Variants in CDK14 observed in about 807,000 individuals in gnomAD.
The protein encoded by CDK14 is cyclin-dependent kinase 14.
CDK14 carries 34 observed loss-of-function variants against 60.7 expected under a neutral mutation model. The ratio of observed to expected loss-of-function variants is 0.56; its 90% CI spans 0.43 to 0.75. The LOEUF (loss-of-function observed/expected upper bound fraction) is 0.75, where lower values mean the gene tolerates loss of function less well. Among genes scored for constraint, CDK14 ranks in the 30% least tolerant of loss-of-function variants. CDK14 has a pLI of 0.00. For missense variants in CDK14, 482 were observed against 564.1 expected (o/e 0.85, Z 1.47); for synonymous variants, 197 against 203.7 (o/e 0.97, Z 0.28).
chr7:90,900,989 A>G (rs547753509), intron 7 of CDK14, among the ~76,000 whole-genome samples: 34 of 152,220 alleles, frequency 2.2e-4, no homozygotes, highest in African/African-American at 7.5e-4. Context: ...CATTTTTACT[A>G]TACGTTCTGC....
At chr7:90,747,975 C>G (rs1449279095) in intron 4 of CDK14, among the ~76,000 whole-genome samples, 200 bp downstream of exon 4, 1 of 135,922 alleles carries the variant, frequency 7.4e-6, no homozygotes, top group East Asian at 2.2e-4. Context: ...GTTTTTCAGA[C>G]TGTTCAATTT....
At chr7:91,046,058 C>A in intron 11 of CDK14, 98 bp downstream of exon 11, 1 of 788,564 alleles carries the variant, frequency 1.3e-6, no homozygotes. Context: ...TTGAAAAATT[C>A]TGGTTACTTT....
intron 10 of CDK14, among the ~76,000 whole-genome samples, chr7:91,021,438 A>G (rs1160783507): frequency 3.3e-5 from 5 of 152,176 alleles, no homozygotes; most frequent in African/African-American, 1.2e-4. Flanking sequence ...TCTATATATG[A>G]TAGCTGTTTT....
At chr7:90,767,009 T>A (rs958831779) in intron 4 of CDK14, among the ~76,000 whole-genome samples, 5 of 151,940 alleles carry the variant, frequency 3.3e-5, no homozygotes, top group Non-Finnish European at 7.4e-5. Context: ...GTACCCTGGC[T>A]CCCCTCTGTC....
intron 2 of CDK14, among the ~76,000 whole-genome samples, chr7:90,616,898 A>G (rs73223205): frequency 6.6e-6 from 1 of 151,840 alleles, no homozygotes; most frequent in Non-Finnish European, 1.5e-5. Flanking sequence ...GTGCCTGTGT[A>G]TATATACACA....
At chr7:90,919,868 A>G (rs1299052285) in intron 8 of CDK14, among the ~76,000 whole-genome samples, 1 of 152,192 alleles carries the variant, frequency 6.6e-6, no homozygotes, top group East Asian at 1.9e-4. Flanking sequence ...TGATACAGCA[A>G]TTGCAATGTT....
At chr7:90,780,484 T>A (rs36079949) in intron 4 of CDK14, among the ~76,000 whole-genome samples, 27,385 of 150,668 alleles carry the variant, frequency 0.18, 2,628 homozygotes, top group South Asian at 0.23. Context: ...TGCAGGTTAG[T>A]TACATATGTA....
chr7:90,823,881 A>T (rs1272423625), intron 5 of CDK14, among the ~76,000 whole-genome samples: 1 of 152,188 alleles, frequency 6.6e-6, no homozygotes, highest in Non-Finnish European at 1.5e-5. Context: ...GTATTTCTAT[A>T]TTCTATAAAG....
At chr7:90,791,551 C>T (rs777428811) in intron 5 of CDK14, among the ~76,000 whole-genome samples, 7 of 152,148 alleles carry the variant, frequency 4.6e-5, no homozygotes, top group Non-Finnish European at 8.8e-5. Context: ...GTTTGTTTCC[C>T]ACAACTGTTG....
chr7:91,189,321 ATTTAG>A (rs1409970654), intron 14 of CDK14, among the ~76,000 whole-genome samples: 1 of 152,104 alleles, frequency 6.6e-6, no homozygotes, highest in East Asian at 1.9e-4. Flanking sequence ...TCTTCATCAC[ATTTAG>A]TGTGTGTGTT....
intron 6 of CDK14, among the ~76,000 whole-genome samples, chr7:90,898,192 C>G (rs1792395535): frequency 6.6e-6 from 1 of 152,096 alleles, no homozygotes; most frequent in African/African-American, 2.4e-5. Flanking sequence ...GCAGACTTTA[C>G]TGTAATCAGT....
intron 5 of CDK14, among the ~76,000 whole-genome samples, chr7:90,826,692 T>G (rs947691322): frequency 4.6e-5 from 7 of 152,158 alleles, no homozygotes; most frequent in African/African-American, 1.7e-4. Flanking sequence ...CATAGTCAGT[T>G]ATGTGTGTGT....
At chr7:90,820,934 C>T (rs1789524250) in intron 5 of CDK14, among the ~76,000 whole-genome samples, 1 of 152,156 alleles carries the variant, frequency 6.6e-6, no homozygotes, top group African/African-American at 2.4e-5. Flanking sequence ...GTTGTCTATG[C>T]CAGGGTCATG....
intron 7 of CDK14, among the ~76,000 whole-genome samples, chr7:90,899,780 G>A (rs1792444004): frequency 6.6e-6 from 1 of 152,012 alleles, no homozygotes; most frequent in Non-Finnish European, 1.5e-5. Flanking sequence ...CTATGTACAA[G>A]CATATTCTAC....
intron 2 of CDK14, chr7:90,726,266 G>A: frequency 2.0e-6 from 2 of 978,426 alleles, no homozygotes; most frequent in Non-Finnish European, 2.4e-6. Context: ...CAGTCAGATG[G>A]TAAAACGTGT....
At chr7:91,114,638 A>T (rs1320500904) in intron 13 of CDK14, among the ~76,000 whole-genome samples, 2 of 152,156 alleles carry the variant, frequency 1.3e-5, no homozygotes, top group Admixed American at 6.6e-5. Context: ...AACCTTTTGA[A>T]GGGGGGAGAA....
chr7:91,092,874 G>T (rs1035487812), intron 12 of CDK14, among the ~76,000 whole-genome samples: 1 of 152,114 alleles, frequency 6.6e-6, no homozygotes, highest in Non-Finnish European at 1.5e-5. Flanking sequence ...AGAAGGAAAC[G>T]ATCTTTTTGA....
chr7:91,035,552 G>A (rs1796902388), intron 10 of CDK14, among the ~76,000 whole-genome samples: 1 of 151,682 alleles, frequency 6.6e-6, no homozygotes, highest in African/African-American at 2.4e-5. Context: ...AGCCCAATGG[G>A]ACATGGGGCA....
intron 11 of CDK14, among the ~76,000 whole-genome samples, chr7:91,052,657 G>A (rs934306372): frequency 4.6e-5 from 7 of 152,070 alleles, no homozygotes; most frequent in African/African-American, 1.7e-4. Flanking sequence ...GTGAAGTTCA[G>A]TGAGGAAAAA....
Sources: allele counts gnomAD v4.1 joint callset (sites outside exome capture counted in the v4.1 genomes callset), GRCh38; gene constraint gnomAD v4.1.1; transcripts MANE v1.5; gene names NCBI Gene and HGNC (gene_info 2026-07-23, HGNC 2026-07-21).